Variants in OTUD7A observed in about 807,000 individuals in gnomAD.
The protein encoded by OTUD7A is OTU deubiquitinase 7A.
Under a neutral mutation model 65.7 loss-of-function variants are expected in OTUD7A, and 12 were observed. That is an observed-to-expected ratio of 0.18 (90% CI 0.12 to 0.30). The LOEUF (loss-of-function observed/expected upper bound fraction) is 0.30. Ranked by LOEUF, OTUD7A falls within the 10% of genes least tolerant of loss-of-function variation. OTUD7A has a pLI of 1.00. For missense variants in OTUD7A, 1,148 were observed against 1,304.8 expected, an observed-to-expected ratio of 0.88 and a Z score of 1.85; for synonymous variants, 641 against 586.3, an observed-to-expected ratio of 1.09 and a Z score of -1.35.
intron 5 of OTUD7A, chr15:31,556,015 T>A (rs1436276998): frequency 6.6e-6 from 1 of 152,132 alleles, no homozygotes. Flanking sequence ...CTAATTTGTT[T>A]ATTATTTGTA....
intron 8 of OTUD7A, among the ~76,000 whole-genome samples, chr15:31,525,177 A>C (rs1489200832): frequency 6.6e-6 from 1 of 152,248 alleles, no homozygotes; most frequent in African/African-American, 2.4e-5. Context: ...GGCAACTGTG[A>C]AAACGATGTC....
intron 5 of OTUD7A, among the ~76,000 whole-genome samples, chr15:31,551,928 T>C (rs1301291582): frequency 1.3e-5 from 2 of 152,154 alleles, no homozygotes; most frequent in Non-Finnish European, 2.9e-5. Flanking sequence ...GTAGTTGATA[T>C]AGTTTGAGAT....
intron 1 of OTUD7A, among the ~76,000 whole-genome samples, chr15:31,678,990 T>C (rs1441525347): frequency 6.6e-6 from 1 of 152,236 alleles, no homozygotes; most frequent in Non-Finnish European, 1.5e-5. Flanking sequence ...ACCACAGGGA[T>C]GGAGCTGCCC....
intron 2 of OTUD7A, among the ~76,000 whole-genome samples, chr15:31,656,061 A>G (rs1244363592): frequency 2.0e-5 from 3 of 152,316 alleles, no homozygotes; most frequent in Non-Finnish European, 4.4e-5. Flanking sequence ...TGGCTACTGA[A>G]CTATCTACCA....
intron 1 of OTUD7A, among the ~76,000 whole-genome samples, chr15:31,711,443 C>T (rs973756907): frequency 1.3e-5 from 2 of 151,454 alleles, no homozygotes; most frequent in African/African-American, 4.9e-5. Context: ...TTCTCCCTCT[C>T]TCTTGCCTTA....
At chr15:31,594,141 A>C (rs1889836139) in intron 3 of OTUD7A, among the ~76,000 whole-genome samples, 1 of 152,234 alleles carries the variant, frequency 6.6e-6, no homozygotes, top group Admixed American at 6.5e-5. Context: ...AAATGAATTC[A>C]GTCCTAAAAA....
At chr15:31,685,495 C>CA (rs995550955) in intron 1 of OTUD7A, among the ~76,000 whole-genome samples, 1 of 149,410 alleles carries the variant, frequency 6.7e-6, no homozygotes, top group African/African-American at 2.5e-5. Context: ...AAAAAAAAAA[C>CA]AAAAAACAAA....
At chr15:31,670,655 T>C (rs1892457470) in intron 1 of OTUD7A, among the ~76,000 whole-genome samples, 2 of 152,212 alleles carry the variant, frequency 1.3e-5, no homozygotes, top group African/African-American at 2.4e-5. Context: ...TTGTTCCTTG[T>C]AGATTCTGGA....
intron 1 of OTUD7A, among the ~76,000 whole-genome samples, chr15:31,715,961 C>T (rs1336713711): frequency 3.2e-5 from 1 of 30,824 alleles, no homozygotes; most frequent in African/African-American, 5.2e-5. Flanking sequence ...TGCAGTGAGA[C>T]GCAAATAGAG....
In OTUD7A at chr15:31,501,680, A is replaced by G. The variant is rs746780674; in HGVS notation, c.1171+10T>C. On this transcript the variant is annotated intron_variant, in intron 10 of 12. Coordinates refer to ENST00000307050, the MANE Select transcript of OTUD7A (RefSeq NM_001382637.1). ...GCTCCTGCGTGCACTCTCTTGGGAGACAGGCATACCTTGTTCTCTTTGCTG... is the reference window on the plus strand; with the variant it reads ...GCTCCTGCGTGCACTCTCTTGGGAGGCAGGCATACCTTGTTCTCTTTGCTG... The G allele has an allele frequency of 1.9e-6, 3 of 1,614,092 alleles. No individual in the cohort carries two copies. In the South Asian group the frequency reaches 3.3e-5, roughly 18 times the overall value.
chr15:31,804,973 G>A (rs146633527), intron 1 of OTUD7A, among the ~76,000 whole-genome samples: 1 of 152,312 alleles, frequency 6.6e-6, no homozygotes, highest in Non-Finnish European at 1.5e-5. Flanking sequence ...CCCAGGCACC[G>A]TGTTGAAAGG....
intron 1 of OTUD7A, among the ~76,000 whole-genome samples, chr15:31,862,953 G>T (rs1897783051): frequency 6.6e-6 from 1 of 152,162 alleles, no homozygotes; most frequent in Non-Finnish European, 1.5e-5. Context: ...AGATACAATG[G>T]GGGTACAGGT....
intron 2 of OTUD7A, among the ~76,000 whole-genome samples, chr15:31,655,876 T>C (rs1292943994): frequency 6.6e-6 from 1 of 152,236 alleles, no homozygotes; most frequent in South Asian, 2.1e-4. Flanking sequence ...CTCTTCCGAA[T>C]TGTATAGACT....
chr15:31,810,909 G>A (rs1308256164), intron 1 of OTUD7A, among the ~76,000 whole-genome samples: 1 of 152,120 alleles, frequency 6.6e-6, no homozygotes, highest in Non-Finnish European at 1.5e-5. Flanking sequence ...CACCCAGCAG[G>A]GCAACACAGG....
intron 12 of OTUD7A, among the ~76,000 whole-genome samples, chr15:31,486,736 C>G (rs1014420483): frequency 6.6e-6 from 1 of 152,246 alleles, no homozygotes; most frequent in Non-Finnish European, 1.5e-5. Flanking sequence ...GCTCTCAGTT[C>G]CCTGGCTTTT....
intron 1 of OTUD7A, among the ~76,000 whole-genome samples, chr15:31,824,386 C>A (rs1896752853): frequency 6.6e-6 from 1 of 152,168 alleles, no homozygotes; most frequent in South Asian, 2.1e-4. Context: ...ATCCTCCATG[C>A]CCACAACACA....
At chr15:31,738,869 T>C (rs943664597) in intron 1 of OTUD7A, among the ~76,000 whole-genome samples, 2 of 152,210 alleles carry the variant, frequency 1.3e-5, no homozygotes, top group Admixed American at 6.5e-5. Context: ...TAAACTTTCA[T>C]TTACACCTAT....
chr15:31,738,702 T>G (rs1894259085), intron 1 of OTUD7A, among the ~76,000 whole-genome samples: 1 of 152,210 alleles, frequency 6.6e-6, no homozygotes, highest in Admixed American at 6.5e-5. Context: ...TGTTGACTCC[T>G]GAAATCCAGC....
intron 1 of OTUD7A, among the ~76,000 whole-genome samples, chr15:31,669,102 A>G (rs1892409680): frequency 6.6e-6 from 1 of 152,202 alleles, no homozygotes; most frequent in Admixed American, 6.5e-5. Flanking sequence ...TTGGTGGTTT[A>G]ATATCCTATT....
Sources: gnomAD v4.1 joint callset for allele counts (sites outside exome capture counted in the v4.1 genomes callset) on GRCh38, gnomAD v4.1.1 for gene constraint, MANE v1.5 for transcripts, NCBI Gene and HGNC (gene_info 2026-07-23, HGNC 2026-07-21) for gene names.